The following RABGAP1L variants were observed in gnomAD, a reference collection of about 807,000 sequenced individuals.
RABGAP1L encodes the protein rab GTPase-activating protein 1-like.
In RABGAP1L, 63 loss-of-function variants were observed where a neutral mutation model predicts 137.7. That is an observed-to-expected ratio of 0.46 (90% CI 0.37 to 0.56). The LOEUF is 0.56. Among genes scored for constraint, RABGAP1L ranks in the 20% least tolerant of loss-of-function variants. The pLI is 0.00. For synonymous variants in RABGAP1L, 431 were observed against 433.7 expected, an observed-to-expected ratio of 0.99 and a Z score of 0.08; for missense variants, 1,095 against 1,244.0, an observed-to-expected ratio of 0.88 and a Z score of 1.80.
intron 14 of RABGAP1L, among the ~76,000 whole-genome samples, chr1:174,666,703 CTGCATGT>C (rs147859342): frequency 0.022 from 3,373 of 152,208 alleles, 56 homozygotes; most frequent in Middle Eastern, 0.085. Flanking sequence ...TCAAATAGTA[CTGCATGT>C]TGCCCATTCC....
chr1:174,949,443 G>A (rs1667395233), intron 19 of RABGAP1L, among the ~76,000 whole-genome samples: 1 of 152,186 alleles, frequency 6.6e-6, no homozygotes, highest in Non-Finnish European at 1.5e-5. Context: ...GTACAGTATA[G>A]AATCTAGTGA....
At position 174,278,686 on chromosome 1, in the gene RABGAP1L, G is replaced by A. The variant is rs138510261; in HGVS notation, c.1230G>A (p.Leu410=). ...TEVVEPVRFL[L]ETVVRVYPAN... ...TGGTGGAGCCTGTTCGCTTTCTCCT[G>A]GAGACAGTAGTCCGTGTGTACCCTG... The change falls in exon 10 of 26, where the codon CTG becomes CTA. Residue 410 remains leucine, a synonymous_variant. Transcript: ENST00000681986. 5.0e-6 allele frequency: 8 copies of A among 1,612,542 alleles called. No homozygotes were observed. In the African/African-American group the frequency reaches 9.4e-5, roughly 19 times the overall value.
intron 19 of RABGAP1L, among the ~76,000 whole-genome samples, chr1:174,881,490 T>TG (rs1384058681): frequency 7.2e-6 from 1 of 139,374 alleles, no homozygotes; most frequent in Non-Finnish European, 1.5e-5. Context: ...ATATATCATT[T>TG]GCTTTTTTTT....
At chr1:174,737,025 G>T (rs558940852) in intron 17 of RABGAP1L, among the ~76,000 whole-genome samples, 1 of 152,298 alleles carries the variant, frequency 6.6e-6, no homozygotes, top group Admixed American at 6.5e-5. Context: ...GCCCATTGTC[G>T]TGGATATTAG....
chr1:174,854,714 G>GC (rs1648961283), intron 19 of RABGAP1L, among the ~76,000 whole-genome samples: 1 of 58,616 alleles, frequency 1.7e-5, no homozygotes, highest in Non-Finnish European at 3.4e-5. Flanking sequence ...CAATATAAAT[G>GC]CTTTTTTTTT....
In RABGAP1L at chr1:174,633,691, G is replaced by T. The variant is rs1180832547; in HGVS notation, c.1711-3684G>T. Among the ~76,000 whole-genome samples the T allele has an allele frequency of 7.9e-5, 10 of 127,168 alleles. 1 individual carries two copies. The highest frequency in any genetic ancestry group is 7.5e-4 in the Admixed American group (10 of 13,274). The allele number at this position is 127,168 out of a possible 152,430, so 83.4% of individuals were successfully genotyped here. On this transcript the variant is annotated intron_variant, in intron 13 of 25. Transcript: ENST00000681986. ...GTAGTGGTACCAAAACAGAGATATA[G>T]ATCAATGGAACAGAACAGAGCCCTC...
At chr1:174,921,891 C>G (rs116756023) in intron 19 of RABGAP1L, among the ~76,000 whole-genome samples, 1 of 152,172 alleles carries the variant, frequency 6.6e-6, no homozygotes, top group East Asian at 1.9e-4. Context: ...TAGGTGAGCA[C>G]TAAATGCTAT....
At chr1:174,247,995 AT>A in intron 5 of RABGAP1L, among the ~76,000 whole-genome samples, 1 of 152,236 alleles carries the variant, frequency 6.6e-6, no homozygotes, top group Non-Finnish European at 1.5e-5. Flanking sequence ...AGTAGACTTT[AT>A]ATTTCATTTA....
chr1:174,611,456 T>C (rs1286453030), intron 13 of RABGAP1L, among the ~76,000 whole-genome samples: 2 of 150,920 alleles, frequency 1.3e-5, no homozygotes, highest in African/African-American at 2.4e-5. Context: ...TTGGTTACTG[T>C]AGCCTTGTAG....
intron 13 of RABGAP1L, among the ~76,000 whole-genome samples, chr1:174,409,814 C>T (rs1649702899): frequency 6.6e-6 from 1 of 152,132 alleles, no homozygotes; most frequent in South Asian, 2.1e-4. Context: ...TTGGGAAACC[C>T]CACCCTGGTA....
chr1:174,651,461 T>C (rs1489268863), intron 14 of RABGAP1L, among the ~76,000 whole-genome samples: 1 of 152,176 alleles, frequency 6.6e-6, no homozygotes, highest in Non-Finnish European at 1.5e-5. Context: ...TATTATTGTG[T>C]GGGAGTCTAA....
intron 19 of RABGAP1L, chr1:174,898,094 C>T (rs1413447695): frequency 4.0e-5 from 6 of 151,664 alleles, no homozygotes; most frequent in Non-Finnish European, 5.9e-5. Flanking sequence ...CAAGTTGAGA[C>T]GAAACAGAAC....
rs559749491 is a variant in RABGAP1L, at chr1:174,584,129, A to C, written c.1711-53246A>C. Among the ~76,000 whole-genome samples the C allele has an allele frequency of 6.6e-5, 10 of 152,270 alleles. No homozygotes were observed. The South Asian group carries it at 1.5e-3, about 22-fold the overall frequency. On this transcript the variant is annotated intron_variant, in intron 13 of 25. Coordinates refer to ENST00000681986, the MANE Select transcript of RABGAP1L (RefSeq NM_001366446.1). ...CGGGGAAGTCCCAAAATCATCTTGG[A>C]TAGCCTAAGCCTTTATGCATTCTCA...
chr1:174,704,838 C>T (rs1027427610), intron 17 of RABGAP1L, among the ~76,000 whole-genome samples: 11 of 152,218 alleles, frequency 7.2e-5, no homozygotes, highest in Middle Eastern at 6.8e-3. Flanking sequence ...GTTCCAACTC[C>T]GCTATTTTAT....
intron 1 of RABGAP1L, among the ~76,000 whole-genome samples, chr1:174,181,998 G>C (rs1295956976): frequency 6.6e-6 from 1 of 152,328 alleles, no homozygotes; most frequent in East Asian, 1.9e-4. Flanking sequence ...TTTCAGGATA[G>C]AAGAAATCCT....
intron 13 of RABGAP1L, among the ~76,000 whole-genome samples, chr1:174,430,400 T>C (rs1026357402): frequency 2.6e-5 from 4 of 152,284 alleles, no homozygotes; most frequent in African/African-American, 9.6e-5. Context: ...TACCACTTCT[T>C]ATAGCACCCT....
chr1:174,429,499 T>A (rs1215611786), intron 13 of RABGAP1L, among the ~76,000 whole-genome samples: 1 of 152,086 alleles, frequency 6.6e-6, no homozygotes, highest in Non-Finnish European at 1.5e-5. Context: ...TCCAGCACTT[T>A]TGGAGGCTGA....
At chr1:174,619,791 A>G (rs1282702566) in intron 13 of RABGAP1L, among the ~76,000 whole-genome samples, 1 of 152,234 alleles carries the variant, frequency 6.6e-6, no homozygotes, top group Non-Finnish European at 1.5e-5. Context: ...AGATAACAAT[A>G]TTAACTTTAC....
intron 14 of RABGAP1L, among the ~76,000 whole-genome samples, chr1:174,638,539 T>G (rs1674249939): frequency 1.3e-5 from 2 of 150,634 alleles, no homozygotes; most frequent in Admixed American, 1.3e-4. Flanking sequence ...TTACTTGGTA[T>G]ATACCCAAAT....
Sources: gnomAD v4.1 joint callset for allele counts (sites outside exome capture counted in the v4.1 genomes callset) on GRCh38, gnomAD v4.1.1 for gene constraint, MANE v1.5 for transcripts, NCBI Gene and HGNC (gene_info 2026-07-23, HGNC 2026-07-21) for gene names.